The following KCNC2 variants were observed in gnomAD, a reference collection of about 807,000 sequenced individuals.
KCNC2 encodes potassium voltage-gated channel subfamily C member 2, also known as voltage-gated potassium channel KCNC2.
Under a neutral mutation model 44.5 loss-of-function variants are expected in KCNC2, and 21 were observed. The ratio of observed to expected loss-of-function variants is 0.47; its 90% confidence interval spans 0.33 to 0.68. The LOEUF (loss-of-function observed/expected upper bound fraction) is 0.68, where lower values mean the gene tolerates loss of function less well. KCNC2 is among the 30% of genes least tolerant of loss of function. The pLI, the probability that KCNC2 is intolerant of heterozygous loss-of-function variation, is 0.01. For missense variants in KCNC2, 589 were observed against 826.2 expected, an observed-to-expected ratio of 0.71 and a Z score of 3.52; for synonymous variants, 391 against 339.1, an observed-to-expected ratio of 1.15 and a Z score of -1.68.
At chr12:75,152,066 A>G (rs977211998) in intron 2 of KCNC2, among the ~76,000 whole-genome samples, 3 of 147,090 alleles carry the variant, frequency 2.0e-5, no homozygotes, top group African/African-American at 7.6e-5. Context: ...TGAACCTATA[A>G]TTAATTGCTA....
At chr12:75,082,694 C>CT (rs775254931) in intron 2 of KCNC2, among the ~76,000 whole-genome samples, 1 of 151,590 alleles carries the variant, frequency 6.6e-6, no homozygotes, top group Non-Finnish European at 1.5e-5. Flanking sequence ...ATATGCTAAA[C>CT]TACTTTGTAA....
At chr12:75,043,649 A>G in intron 4 of KCNC2, 1 of 1,284,724 alleles carries the variant, frequency 7.8e-7, no homozygotes, top group Non-Finnish European at 9.9e-7. Context: ...TTCTCTTTTC[A>G]TTTTTTATTT....
chr12:75,115,960 TA>T (rs1391951145), intron 2 of KCNC2, among the ~76,000 whole-genome samples: 3 of 152,188 alleles, frequency 2.0e-5, no homozygotes, highest in African/African-American at 7.2e-5. Flanking sequence ...GCGCAGCAAC[TA>T]TAATTTATTT....
Position 75,105,703 on chromosome 12 carries a change from A to G in KCNC2, c.688-54386T>C, listed in dbSNP as rs145611211. Among the ~76,000 whole-genome samples, 112 of 152,292 alleles carry G rather than the reference A, an allele frequency of 7.4e-4. 2 individuals are homozygous for G. The East Asian group carries it at 0.02, about 27-fold the overall frequency. Reference sequence around the variant, plus strand: ...CTTGACTTGAAAGTTTTTGGCCCATACAAATCGAAGAATCAAGTTGCCATA... The same window carrying G: ...CTTGACTTGAAAGTTTTTGGCCCATGCAAATCGAAGAATCAAGTTGCCATA... On this transcript the variant is annotated intron_variant, in intron 2 of 4. Transcript: ENST00000549446.
chr12:75,147,248 T>C (rs1181780504), intron 2 of KCNC2, among the ~76,000 whole-genome samples: 2 of 152,108 alleles, frequency 1.3e-5, no homozygotes, highest in Admixed American at 6.5e-5. Context: ...GACAGAAACA[T>C]GAAATTTTAT....
intron 2 of KCNC2, among the ~76,000 whole-genome samples, chr12:75,142,106 A>G (rs1220119503): frequency 6.6e-6 from 1 of 152,180 alleles, no homozygotes; most frequent in African/African-American, 2.4e-5. Flanking sequence ...AACTTCCTGT[A>G]CAACTGTCAC....
chr12:75,073,667 G>C (rs59313338), intron 2 of KCNC2, among the ~76,000 whole-genome samples: 1 of 151,978 alleles, frequency 6.6e-6, no homozygotes, highest in Non-Finnish European at 1.5e-5. Context: ...TATCTGCTTC[G>C]TAGGGGAAGA....
chr12:75,053,392 C>T (rs4882672), intron 2 of KCNC2, among the ~76,000 whole-genome samples: 151,383 of 151,516 alleles, frequency 1, 75,625 homozygotes, highest in Middle Eastern at 1. Flanking sequence ...TGTGTGTGTG[C>T]GTGTGTGTTT....
intron 2 of KCNC2, among the ~76,000 whole-genome samples, chr12:75,097,638 T>C (rs1280187257): frequency 6.6e-6 from 1 of 152,096 alleles, no homozygotes; most frequent in South Asian, 2.1e-4. Flanking sequence ...AAAAAAGGAA[T>C]GAGAAGACAA....
intron 2 of KCNC2, among the ~76,000 whole-genome samples, chr12:75,114,957 G>T (rs891113932): frequency 1.4e-5 from 2 of 145,748 alleles, no homozygotes; most frequent in South Asian, 4.5e-4. Flanking sequence ...TCCGCCCCCC[G>T]GGGTTCACGC....
At chr12:75,199,458 C>T (rs1263147675) in intron 2 of KCNC2, among the ~76,000 whole-genome samples, 1 of 151,752 alleles carries the variant, frequency 6.6e-6, no homozygotes, top group African/African-American at 2.4e-5. Context: ...CAACATTACC[C>T]ATAACATTTT....
Position 75,048,133 on chromosome 12 carries a change from C to A in KCNC2, c.1780+20G>T. On this transcript the variant is annotated intron_variant, in intron 4 of 4. Transcript: ENST00000549446. Reference sequence around the variant, plus strand: ...TTATTGCTAAGTCACCTGTTATGATCTGATTAAATGCATGCCTACCTTTCC... The same window carrying A: ...TTATTGCTAAGTCACCTGTTATGATATGATTAAATGCATGCCTACCTTTCC... The A allele has an allele frequency of 6.2e-7, 1 of 1,607,642 alleles. No individual in the cohort carries two copies. The highest frequency in any genetic ancestry group is 8.5e-7 in the Non-Finnish European group (1 of 1,175,628).
intron 2 of KCNC2, among the ~76,000 whole-genome samples, chr12:75,148,676 T>C (rs1431173455): frequency 6.6e-6 from 1 of 152,146 alleles, no homozygotes; most frequent in East Asian, 1.9e-4. Context: ...ACCAAAAACA[T>C]AAATCAATGC....
At chr12:75,203,125 AT>A (rs2031421792) in intron 2 of KCNC2, among the ~76,000 whole-genome samples, 1 of 151,792 alleles carries the variant, frequency 6.6e-6, no homozygotes, top group Non-Finnish European at 1.5e-5. Flanking sequence ...GACTTAATAC[AT>A]TTTCTTCCTT....
Position 75,041,972 on chromosome 12 carries a change from A to C in KCNC2, c.*1133T>G, listed in dbSNP as rs1028612406. On this transcript the variant is annotated 3_prime_UTR_variant, in exon 5 of 5. Transcript: ENST00000549446. ...CAGGAAAGACAGGGAGCTAAGACAGACAAGAACAACATACAGGACAAAGCA... is the reference window on the plus strand; with the variant it reads ...CAGGAAAGACAGGGAGCTAAGACAGCCAAGAACAACATACAGGACAAAGCA... 1.9e-6 allele frequency: 2 copies of C among 1,025,808 alleles called. No individual in the cohort carries two copies. The highest frequency in any genetic ancestry group is 2.3e-6 in the Non-Finnish European group (2 of 857,012). 63.5% of individuals were successfully genotyped at this position (1,025,808 alleles called of 1,614,324 possible). A position where few individuals can be genotyped will look rare whatever the true frequency, so the allele number is the denominator to read the frequency against.
In KCNC2 at chr12:75,042,996, C is replaced by G. The variant is rs989572876; in HGVS notation, c.*109G>C. 67 of 1,489,566 alleles carry G rather than the reference C, an allele frequency of 4.5e-5. No individual in the cohort carries two copies. Among genetic ancestry groups the G allele is most frequent in the Non-Finnish European group, 5.5e-5 (62 of 1,120,732 alleles). The allele number at this position is 1,489,566 out of a possible 1,614,324, so 92.3% of individuals were successfully genotyped here. A position where few individuals can be genotyped will look rare whatever the true frequency, so the allele number is the denominator to read the frequency against. Reference sequence around the variant, plus strand: ...ATTGTAGTATCATGCAAGATTTATACTGTATTAATGGAGCCTGGAGTAACT... The same window carrying G: ...ATTGTAGTATCATGCAAGATTTATAGTGTATTAATGGAGCCTGGAGTAACT... On this transcript the variant is annotated 3_prime_UTR_variant, in exon 5 of 5. Coordinates refer to ENST00000549446, the MANE Select transcript of KCNC2 (RefSeq NM_139137.4).
At chr12:75,184,738 C>T (rs1040719396) in intron 2 of KCNC2, among the ~76,000 whole-genome samples, 2 of 152,086 alleles carry the variant, frequency 1.3e-5, no homozygotes. Flanking sequence ...TCTCATAGCA[C>T]CTGGGAAAGA....
intron 2 of KCNC2, among the ~76,000 whole-genome samples, chr12:75,101,014 GATAAATTTAAATT>G (rs1211383161): frequency 6.6e-6 from 1 of 151,974 alleles, no homozygotes; most frequent in Non-Finnish European, 1.5e-5. Flanking sequence ...CAAGGGTATT[GATAAATTTAAATT>G]AGTAAGTTTC....
In KCNC2 at chr12:75,118,084, A is replaced by G. The variant is rs910833661; in HGVS notation, c.688-66767T>C. On this transcript the variant is annotated intron_variant, in intron 2 of 4. Coordinates refer to ENST00000549446, the MANE Select transcript of KCNC2 (RefSeq NM_139137.4). ...GTCCTAACACAAGGCCTTCAAAGGTAAGCAATGGCATTTTTAGAGCTTCAC... is the reference window on the plus strand; with the variant it reads ...GTCCTAACACAAGGCCTTCAAAGGTGAGCAATGGCATTTTTAGAGCTTCAC... 3.9e-5 allele frequency among the ~76,000 whole-genome samples: 6 copies of G among 152,338 alleles called. 1 individual carries two copies. In the South Asian group the frequency reaches 1.2e-3, roughly 32 times the overall value.
Sources: allele counts gnomAD v4.1 joint callset (sites outside exome capture counted in the v4.1 genomes callset), GRCh38; gene constraint gnomAD v4.1.1; transcripts MANE v1.5; gene names NCBI Gene and HGNC (gene_info 2026-07-23, HGNC 2026-07-21).